The following CDC14B variants were observed in gnomAD, a reference collection of about 807,000 sequenced individuals.
CDC14B encodes the protein dual specificity protein phosphatase CDC14B.
Under a neutral mutation model 64.2 loss-of-function variants are expected in CDC14B, and 22 were observed. The observed-to-expected ratio is 0.34, with a 90% CI of 0.24 to 0.49. The LOEUF (loss-of-function observed/expected upper bound fraction) is 0.49, where lower values mean the gene tolerates loss of function less well. CDC14B is among the 20% of genes least tolerant of loss of function. The pLI, the probability that CDC14B is intolerant of heterozygous loss-of-function variation, is 0.99. For missense variants in CDC14B, 498 were observed against 629.9 expected (o/e 0.79, Z 2.24); for synonymous variants, 191 against 215.8 (o/e 0.89, Z 1.01).
rs1833661325 is a variant in CDC14B, at chr9:96,502,735, T to G, written c.*1018A>C. 2 of 395,896 alleles carry G rather than the reference T, an allele frequency of 5.1e-6. No homozygotes were observed. The highest frequency in any genetic ancestry group is 8.9e-6 in the Non-Finnish European group (2 of 224,642). 24.5% of individuals were successfully genotyped at this position (395,896 alleles called of 1,614,324 possible). On this transcript the variant is annotated 3_prime_UTR_variant, in exon 14 of 14. Coordinates refer to ENST00000375241, the MANE Select transcript of CDC14B (RefSeq NM_033331.4). ...TGTGTTCCCTAACCAAAGGCAACAG[T>G]GAGATCCAGAAGCAGATCATTGTCA...
intron 5 of CDC14B, among the ~76,000 whole-genome samples, chr9:96,547,207 G>GT (rs981950205): frequency 6.6e-6 from 1 of 151,960 alleles, no homozygotes; most frequent in African/African-American, 2.4e-5. Context: ...GCTCATGCCT[G>GT]TAATTCCAGC....
At chr9:96,604,823 C>T (rs1846774690) in intron 1 of CDC14B, among the ~76,000 whole-genome samples, 1 of 152,110 alleles carries the variant, frequency 6.6e-6, no homozygotes, top group Non-Finnish European at 1.5e-5. Flanking sequence ...CATGCACCAC[C>T]ATGCCCAGCT....
intron 1 of CDC14B, chr9:96,618,770 C>T: frequency 2.8e-6 from 1 of 357,338 alleles, no homozygotes; most frequent in East Asian, 8.1e-5. Context: ...GGGCAGCTCC[C>T]GTGCCAGGCG....
chr9:96,530,136 CTG>C (rs1467673333), intron 9 of CDC14B, among the ~76,000 whole-genome samples: 1 of 152,066 alleles, frequency 6.6e-6, no homozygotes, highest in African/African-American at 2.4e-5. Flanking sequence ...ATAAATGAAA[CTG>C]TATTCTTAGT....
chr9:96,546,028 A>ACAATAAATGGG lies in CDC14B; in HGVS notation c.498-4137_498-4136insCCCATTTATTG, dbSNP rs530376889. 1.7e-4 allele frequency among the ~76,000 whole-genome samples: 26 copies of ACAATAAATGGG among 152,312 alleles called. No individual in the cohort carries two copies. In the East Asian group the frequency reaches 1.9e-3, roughly 11 times the overall value. On this transcript the variant is annotated intron_variant, in intron 5 of 13. Coordinates refer to ENST00000375241, the MANE Select transcript of CDC14B (RefSeq NM_033331.4). The stretch of plus-strand genomic sequence containing the variant: ...CAAGATCATTTAACAAATTTGGAAA[A>ACAATAAATGGG]CACGTAAGAATCAATAAATGGGCAC...
chr9:96,577,412 C>T (rs937718471), intron 1 of CDC14B, among the ~76,000 whole-genome samples: 33 of 152,154 alleles, frequency 2.2e-4, no homozygotes, highest in African/African-American at 6.7e-4. Flanking sequence ...TTTAAATCTA[C>T]GGAATGTAGT....
At chr9:96,549,400 A>G (rs1841461914) in intron 5 of CDC14B, among the ~76,000 whole-genome samples, 1 of 152,110 alleles carries the variant, frequency 6.6e-6, no homozygotes, top group Non-Finnish European at 1.5e-5. Flanking sequence ...TTCACAGGCC[A>G]CACTTTATGA....
At chr9:96,518,569 A>G (rs1564221499) in intron 12 of CDC14B, among the ~76,000 whole-genome samples, 1 of 152,170 alleles carries the variant, frequency 6.6e-6, no homozygotes, top group Non-Finnish European at 1.5e-5. Flanking sequence ...GGATTAGACT[A>G]AAGGGTGAAC....
At position 96,566,673 on chromosome 9, in the gene CDC14B, G is replaced by A. The variant is rs1283157547; in HGVS notation, c.161-1190C>T. 6 of 1,233,808 alleles carry A rather than the reference G, an allele frequency of 4.9e-6. No individual in the cohort carries two copies. The South Asian group carries it at 6.6e-5, about 14-fold the overall frequency. The allele number at this position is 1,233,808 out of a possible 1,614,324, so 76.4% of individuals were successfully genotyped here. On this transcript the variant is annotated intron_variant, in intron 1 of 13. Coordinates refer to ENST00000375241, the MANE Select transcript of CDC14B (RefSeq NM_033331.4). ...CACGCAGGAGACAAGGGCGGCCGGG[G>A]CCCAGACTAGGGGCACCTCCAAGCC...
intron 1 of CDC14B, among the ~76,000 whole-genome samples, chr9:96,580,231 CT>C (rs546034661): frequency 1.4e-3 from 201 of 142,160 alleles, no homozygotes; most frequent in Middle Eastern, 3.6e-3. Flanking sequence ...GAGAGTGCCA[CT>C]TTTTTTTTTT....
At chr9:96,571,230 C>T (rs982371227) in intron 1 of CDC14B, among the ~76,000 whole-genome samples, 1 of 150,112 alleles carries the variant, frequency 6.7e-6, no homozygotes, top group African/African-American at 2.5e-5. Context: ...GGCTGGAGTG[C>T]AGTGGCGCAA....
chr9:96,611,121 G>A (rs574344856), intron 1 of CDC14B, among the ~76,000 whole-genome samples: 62 of 151,282 alleles, frequency 4.1e-4, no homozygotes, highest in Admixed American at 8.5e-4. Flanking sequence ...AGAAAAGGGC[G>A]TAAAACTTTC....
At chr9:96,561,070 G>A (rs1843112682) in intron 4 of CDC14B, among the ~76,000 whole-genome samples, 1 of 152,088 alleles carries the variant, frequency 6.6e-6, no homozygotes, top group South Asian at 2.1e-4. Flanking sequence ...CCGAGTAGCT[G>A]GGACTACAGG....
chr9:96,496,762 CCCTCCGAGAAGCCCCTT>C (rs1833264821), downstream of CDC14B, among the ~76,000 whole-genome samples: 1 of 152,248 alleles, frequency 6.6e-6, no homozygotes, highest in Admixed American at 6.5e-5. Context: ...CCCGCGCCCT[CCCTCCGAGAAGCCCCTT>C]CCTCCAGCTC....
intron 1 of CDC14B, among the ~76,000 whole-genome samples, chr9:96,572,166 T>A (rs1844517042): frequency 2.0e-5 from 3 of 152,176 alleles, no homozygotes; most frequent in Admixed American, 2.0e-4. Context: ...CTTCCAGACC[T>A]CACCCTGCGC....
chr9:96,551,110 GCTTTTTT>G (rs1766697733), intron 5 of CDC14B, among the ~76,000 whole-genome samples: 1 of 65,972 alleles, frequency 1.5e-5, no homozygotes, highest in African/African-American at 1.1e-4. Context: ...TTTGGGGTTT[GCTTTTTT>G]TTTTTTTTTT....
intron 9 of CDC14B, 93 bp from the exon 10 acceptor site, chr9:96,523,818 G>T: frequency 1.5e-6 from 2 of 1,296,898 alleles, no homozygotes; most frequent in Non-Finnish European, 2.1e-6. Context: ...GGCTTCTCAT[G>T]ACTCTGCTTC....
rs575301698 is a variant in CDC14B at position 96,508,623 on chromosome 9, T to G, written c.1460+1050A>C. Among the ~76,000 whole-genome samples the G allele has an allele frequency of 3.3e-5, 5 of 152,356 alleles. No individual in the cohort carries two copies. In the South Asian group the frequency reaches 1.0e-3, roughly 32 times the overall value. Reference sequence around the variant, plus strand: ...GTGCCTGACAGTCCTCCAATCCTTATGCCGGGGCACTGCTGCATCCCCATG... The same window carrying G: ...GTGCCTGACAGTCCTCCAATCCTTAGGCCGGGGCACTGCTGCATCCCCATG... On this transcript the variant is annotated intron_variant, in intron 13 of 13. Transcript: ENST00000375241.
At chr9:96,581,678 G>A (rs1255979260) in intron 1 of CDC14B, among the ~76,000 whole-genome samples, 2 of 152,062 alleles carry the variant, frequency 1.3e-5, no homozygotes, top group African/African-American at 4.8e-5. Flanking sequence ...GTTTGAACGT[G>A]TTGGTGTTAG....
Sources: gnomAD v4.1 joint callset for allele counts (sites outside exome capture counted in the v4.1 genomes callset) on GRCh38, gnomAD v4.1.1 for gene constraint, MANE v1.5 for transcripts, NCBI Gene and HGNC (gene_info 2026-07-23, HGNC 2026-07-21) for gene names.